Variants in ATM observed in about 807,000 individuals in gnomAD.
ATM encodes ATM serine/threonine kinase, also known as serine-protein kinase ATM.
Under a neutral mutation model 387.0 loss-of-function variants are expected in ATM, and 308 were observed. That is an observed-to-expected ratio of 0.80 (90% CI 0.73 to 0.87). The LOEUF (loss-of-function observed/expected upper bound fraction) is 0.87, where lower values mean the gene tolerates loss of function less well. ATM is among the 40% of genes least tolerant of loss of function. The pLI is 0.00. For missense variants in ATM, 3,312 were observed against 3,560.9 expected, an observed-to-expected ratio of 0.93 and a Z score of 1.78; for synonymous variants, 1,156 against 1,187.3, an observed-to-expected ratio of 0.97 and a Z score of 0.54.
chr11:108,317,329 T>TA (rs937807056), intron 42 of ATM, 44 bp from the exon 43 acceptor site: 1 of 1,586,364 alleles, frequency 6.3e-7, no homozygotes. Context: ...TTTCTGTTGA[T>TA]ATCTTTGATT....
chr11:108,231,696 C>CTAA (rs2079019141), intron 4 of ATM: 1 of 74,924 alleles, frequency 1.3e-5, no homozygotes. Context: ...AACTCTGTCT[C>CTAA]AAAAAAAAAA....
chr11:108,321,261 CTTCT>C lies in ATM; in HGVS notation c.6453-37_6453-34del, dbSNP rs570970161. Reference sequence around the variant, plus strand: ...TAAACATTTATTTCCCTGAAAACCTCTTCTTTATTTTCAGAGTGTCTTTTCTTTT... The same window carrying C: ...TAAACATTTATTTCCCTGAAAACCTCTTATTTTCAGAGTGTCTTTTCTTTT... On this transcript the variant is annotated intron_variant, in intron 44 of 62. Transcript: ENST00000675843. 8.7e-4 allele frequency: 1,400 copies of C among 1,612,412 alleles called. 1 individual carries two copies. The highest frequency in any genetic ancestry group is 1.1e-3 in the Non-Finnish European group (1,256 of 1,178,904).
rs777602049 is a variant in ATM, at chr11:108,335,843, A to G, written c.8152-2A>G. 1 of 1,610,042 alleles carries G rather than the reference A, an allele frequency of 6.2e-7. No individual in the cohort carries two copies. The highest frequency in any genetic ancestry group is 8.5e-7 in the Non-Finnish European group (1 of 1,176,460). The stretch of plus-strand genomic sequence containing the variant: ...GTTTATTCATGCTTAATTATTCTGA[A>G]GGGCCGTGATGACCTGAGACAAGAT... On this transcript the variant is annotated splice_acceptor_variant, in intron 55 of 62. Transcript: ENST00000675843. LOFTEE classifies it high-confidence loss of function.
intron 6 of ATM, 132 bp from the exon 7 acceptor site, chr11:108,244,656 T>C: frequency 1.3e-6 from 1 of 791,534 alleles, no homozygotes; most frequent in Non-Finnish European, 2.1e-6. Context: ...ATGAATAGTT[T>C]TGAAATTAAG....
Position 108,333,943 on chromosome 11 carries a change from T to A in ATM, c.7985T>A (p.Val2662Asp), listed in dbSNP as rs863224463. 3 of 1,611,270 alleles carry A rather than the reference T, an allele frequency of 1.9e-6. No individual in the cohort carries two copies. Among genetic ancestry groups the A allele is most frequent in the South Asian group, 1.1e-5 (1 of 91,036 alleles). ...PITKLKNLEDVVVPTMEIKVD... is the reference protein window; with the variant it reads ...PITKLKNLEDDVVPTMEIKVD... ...ACTAAACTTAAGAATTTAGAAGATG[T>A]TGTTGTCCCTACTATGGAAATTAAG... Residue 2662 changes from valine (V) to aspartate (D), a missense_variant, in exon 54 of 63, where the codon GTT (valine) becomes GAT (aspartate). Physicochemically the swap from Val to Asp is radical, Grantham distance 152. This residue lies in a region of ATM where 1,405 missense variants were observed against 1,604.4 expected (regional missense o/e 0.88). Coordinates refer to ENST00000675843, the MANE Select transcript of ATM (RefSeq NM_000051.4).
rs1166859616 is a variant in ATM, at chr11:108,262,896, C to T, written c.2466+3821C>T. ...TCAAAAGAGACAAAGAAGGCCATTA[C>T]ATAATGGTAAAGGGATCAATTCAAC... On this transcript the variant is annotated intron_variant, in intron 16 of 62. Transcript: ENST00000675843. 2.7e-5 allele frequency among the ~76,000 whole-genome samples: 4 copies of T among 148,638 alleles called. No homozygotes were observed. The East Asian group carries it at 7.9e-4, about 29-fold the overall frequency.
chr11:108,261,140 C>G (rs1319334421), intron 16 of ATM, among the ~76,000 whole-genome samples: 2 of 152,234 alleles, frequency 1.3e-5, no homozygotes, highest in Non-Finnish European at 2.9e-5. Flanking sequence ...CCCACCACAG[C>G]TCAAGGAGGC....
rs555300736 is a variant in ATM, at chr11:108,312,317, C to T, written c.5919-94C>T. 1.7e-5 allele frequency: 15 copies of T among 908,194 alleles called. No individual in the cohort carries two copies. In the South Asian group the frequency reaches 2.1e-4, roughly 13 times the overall value. The allele number at this position is 908,194 out of a possible 1,614,324, so 56.3% of individuals were successfully genotyped here. ...TTTATTCTGTTTTGTTTGCCACCTTCATTAGTTTTTTTCTGTCAAAGTCTA... is the reference window on the plus strand; with the variant it reads ...TTTATTCTGTTTTGTTTGCCACCTTTATTAGTTTTTTTCTGTCAAAGTCTA... On this transcript the variant is annotated intron_variant, in intron 39 of 62. Transcript: ENST00000675843.
Position 108,252,904 on chromosome 11 carries a change from G to A in ATM, c.1890G>A (p.Val630=). Residue 630 remains valine, a synonymous_variant, in exon 12 of 63, where the codon GTG becomes GTA. Coordinates refer to ENST00000675843, the MANE Select transcript of ATM (RefSeq NM_000051.4). Reference sequence around the variant, plus strand: ...CTGCAATGAATTTTTTCCAAAGCGTGCCAGAATGGTATGTTATCTAATAAT... The same window carrying A: ...CTGCAATGAATTTTTTCCAAAGCGTACCAGAATGGTATGTTATCTAATAAT... ...CKAAMNFFQS[V]PECEHHQKDK... is the part of the protein sequence containing the mutation. 1 of 1,608,808 alleles carries A rather than the reference G, an allele frequency of 6.2e-7. No homozygotes were observed. Among genetic ancestry groups the A allele is most frequent in the South Asian group, 1.1e-5 (1 of 90,914 alleles).
intron 56 of ATM, among the ~76,000 whole-genome samples, chr11:108,338,598 A>G (rs554910470): frequency 6.6e-6 from 1 of 152,230 alleles, no homozygotes; most frequent in African/African-American, 2.4e-5. Context: ...GGGGCTGTGC[A>G]TGAGCTGTGA....
intron 4 of ATM, among the ~76,000 whole-genome samples, chr11:108,231,262 C>T (rs1399524266): frequency 6.6e-6 from 1 of 152,108 alleles, no homozygotes. Context: ...TTTTCGGAAC[C>T]AAAATGCAGG....
intron 59 of ATM, among the ~76,000 whole-genome samples, chr11:108,349,247 A>C (rs763158565): frequency 3.9e-5 from 6 of 152,234 alleles, no homozygotes; most frequent in Non-Finnish European, 7.3e-5. Flanking sequence ...AATGCTGAAA[A>C]TAGACCTTTG....
chr11:108,310,224 A>G lies in ATM; in HGVS notation c.5827A>G (p.Lys1943Glu), dbSNP rs779692309. 3 of 1,613,676 alleles carry G rather than the reference A, an allele frequency of 1.9e-6. No homozygotes were observed. Among genetic ancestry groups the G allele is most frequent in the Non-Finnish European group, 2.5e-6 (3 of 1,179,746 alleles). The change falls in exon 39 of 63, where the codon AAG (lysine) becomes GAG (glutamate). Residue 1943 changes from lysine to glutamate, a missense_variant. This residue lies in a region of ATM where 1,405 missense variants were observed against 1,604.4 expected (regional missense o/e 0.88). Transcript: ENST00000675843. ...GGATTTAAATTATCTAGAAGTTGCC[A>G]AGGTAGCTCAGTCTTGTGCTGCTCA... ...WLDLNYLEVA[K>E]VAQSCAAHFT...
rs2081700372 is a variant in ATM at position 108,273,150 on chromosome 11, A to G, written c.3284+298A>G. Among the ~76,000 whole-genome samples, 3 of 152,148 alleles carry G rather than the reference A, an allele frequency of 2.0e-5. No individual in the cohort carries two copies. The South Asian group carries it at 6.2e-4, about 32-fold the overall frequency. On this transcript the variant is annotated intron_variant, in intron 22 of 62. Coordinates refer to ENST00000675843, the MANE Select transcript of ATM (RefSeq NM_000051.4). ...GTGTCTACTATCATGTACAGGAGATACGGACTGTTTGGAAATTACTGTGAT... is the reference window on the plus strand; with the variant it reads ...GTGTCTACTATCATGTACAGGAGATGCGGACTGTTTGGAAATTACTGTGAT...
chr11:108,287,793 T>A, intron 27 of ATM, 78 bp downstream of exon 27: 2 of 1,007,876 alleles, frequency 2.0e-6, no homozygotes, highest in Middle Eastern at 2.1e-4. Flanking sequence ...ACACCTTCAA[T>A]GTCTATTTCA....
Position 108,254,623 on chromosome 11 carries a change from G to A in ATM, c.2124+584G>A, listed in dbSNP as rs141865055. ...TCCACATGTGAAAATCCTTGCTAAC[G>A]CCTTTCTTAGAATCTCAGAAAGTAA... On this transcript the variant is annotated intron_variant, in intron 13 of 62. Coordinates refer to ENST00000675843, the MANE Select transcript of ATM (RefSeq NM_000051.4). Among the ~76,000 whole-genome samples the A allele has an allele frequency of 8.6e-3, 1,313 of 152,158 alleles. 12 individuals carry two copies. Among genetic ancestry groups the A allele is most frequent in the Non-Finnish European group, 9.8e-3 (669 of 68,018 alleles).
rs113482790 is a variant in ATM, at chr11:108,268,452, A to T, written c.2681A>T (p.Asp894Val). Residue 894 changes from aspartate (D) to valine (V), a missense_variant, in exon 18 of 63, where the codon GAT (aspartate) becomes GTT (valine). By Grantham distance (152) the Asp-to-Val change is radical. Coordinates refer to ENST00000675843, the MANE Select transcript of ATM (RefSeq NM_000051.4). ...GCTGAAGAATATCTGTCAAAGCAAGATCTACTTTTCTTAGACATGCTCAAG... is the reference window on the plus strand; with the variant it reads ...GCTGAAGAATATCTGTCAAAGCAAGTTCTACTTTTCTTAGACATGCTCAAG... ...PLAEEYLSKQDLLFLDMLKFL... is the reference protein window; with the variant it reads ...PLAEEYLSKQVLLFLDMLKFL... The T allele has an allele frequency of 6.2e-7, 1 of 1,614,026 alleles. No homozygotes were observed. Among genetic ancestry groups the T allele is most frequent in the African/African-American group, 1.3e-5 (1 of 75,038 alleles).
chr11:108,265,030 T>A (rs2135480490), intron 16 of ATM, among the ~76,000 whole-genome samples: 1 of 142,584 alleles, frequency 7.0e-6, no homozygotes, highest in South Asian at 2.4e-4. Context: ...GTAGGAAGAA[T>A]CAATATTGTG....
chr11:108,283,883 A>G (rs1226112074), intron 25 of ATM, among the ~76,000 whole-genome samples: 1 of 152,194 alleles, frequency 6.6e-6, no homozygotes, highest in Non-Finnish European at 1.5e-5. Flanking sequence ...AACTGCATTT[A>G]TGTTAGTTGA....
Sources: gnomAD v4.1 joint callset for allele counts (sites outside exome capture counted in the v4.1 genomes callset) on GRCh38, gnomAD v4.1.1 for gene constraint, gnomAD v4.1.1 regional missense constraint, MANE v1.5 for transcripts, NCBI Gene and HGNC (gene_info 2026-07-23, HGNC 2026-07-21) for gene names.